The following SYNE3 variants were observed in gnomAD, a reference collection of about 807,000 sequenced individuals.
The protein encoded by SYNE3 is nesprin-3.
Under a neutral mutation model 111.2 loss-of-function variants are expected in SYNE3, and 100 were observed. That is an observed-to-expected ratio of 0.90 (90% confidence interval 0.77 to 1.06). The LOEUF (loss-of-function observed/expected upper bound fraction) is 1.06, where lower values mean the gene tolerates loss of function less well. Among genes scored for constraint, SYNE3 ranks in the 50% least tolerant of loss-of-function variants. The pLI is 0.00. For missense variants in SYNE3, 1,160 were observed against 1,240.3 expected, an observed-to-expected ratio of 0.94 and a Z score of 0.97; for synonymous variants, 547 against 533.9, an observed-to-expected ratio of 1.02 and a Z score of -0.34.
At position 95,446,091 on chromosome 14, in the gene SYNE3, C is replaced by T. The variant is rs762234500; in HGVS notation, c.1450G>A (p.Ala484Thr). ...SLHTFLPQIE[A>T]ALMESSRLKE... ...AGGCGGGAGCTTTCCATCAGGGCTG[C>T]CTGTGGGAGACAAGGCTTCCGTGAA... Residue 484 changes from alanine (A) to threonine (T), a missense_variant and splice_region_variant, in exon 9 of 18, where the codon GCA (alanine) becomes ACA (threonine). Physicochemically the swap from Ala to Thr is moderately conservative, Grantham distance 58. Coordinates refer to ENST00000682763, the MANE Select transcript of SYNE3 (RefSeq NM_152592.6). The T allele has an allele frequency of 1.1e-5, 17 of 1,613,774 alleles. No individual in the cohort carries two copies. In the African/African-American group the frequency reaches 2.1e-4, roughly 20 times the overall value.
chr14:95,497,922 TAGTC>T lies in SYNE3; in HGVS notation c.-15+18670_-15+18673del, dbSNP rs1460563655. On this transcript the variant is annotated intron_variant, in intron 1 of 17. Transcript: ENST00000682763. ...TGTAATCCCCACAATTAGAGAGCCT[TAGTC>T]AGAAAGACCTCTTGAGCCCAGAATC... Among the ~76,000 whole-genome samples the T allele has an allele frequency of 2.6e-5, 4 of 151,840 alleles. No homozygotes were observed. In the East Asian group the frequency reaches 7.7e-4, roughly 29 times the overall value.
At chr14:95,504,161 A>T (rs1175270986) in intron 1 of SYNE3, among the ~76,000 whole-genome samples, 1 of 152,226 alleles carries the variant, frequency 6.6e-6, no homozygotes, top group Admixed American at 6.5e-5. Flanking sequence ...TCCAGTGTCT[A>T]TAAAGTTTTA....
intron 17 of SYNE3, among the ~76,000 whole-genome samples, chr14:95,421,964 C>T (rs572423763): frequency 3.9e-5 from 6 of 152,216 alleles, no homozygotes; most frequent in Non-Finnish European, 7.4e-5. Context: ...TGGCCTTACA[C>T]ATCCTCAGGG....
chr14:95,444,081 T>C (rs1886564239), intron 10 of SYNE3: 2 of 232,370 alleles, frequency 8.6e-6, no homozygotes, highest in Non-Finnish European at 8.2e-6. Flanking sequence ...ATCAAGTTCC[T>C]TATCCAGCCA....
rs1170805842 is a variant in SYNE3, at chr14:95,408,328, GAA to G, written c.*9496_*9497del. 6.6e-6 allele frequency: 1 copy of G among 152,136 alleles called. No homozygotes were observed. The highest frequency in any genetic ancestry group is 1.9e-4 in the East Asian group (1 of 5,194). The allele number at this position is 152,136 out of a possible 1,614,324, so 9.4% of individuals were successfully genotyped here. A position where few individuals can be genotyped will look rare whatever the true frequency, so the allele number is the denominator to read the frequency against. On this transcript the variant is annotated 3_prime_UTR_variant, in exon 18 of 18. Coordinates refer to ENST00000682763, the MANE Select transcript of SYNE3 (RefSeq NM_152592.6). ...GCCATTTTCCCAACACACACACACAGAAAGAGAGAGAGAAAGGAGAAAATTTA... is the reference window on the plus strand; with the variant it reads ...GCCATTTTCCCAACACACACACACAGAGAGAGAGAGAAAGGAGAAAATTTA...
At chr14:95,432,262 G>A in intron 16 of SYNE3, 145 bp from the exon 17 acceptor site, 2 of 913,018 alleles carry the variant, frequency 2.2e-6, no homozygotes, top group Non-Finnish European at 1.7e-6. Context: ...GACAGCCTGA[G>A]CCAGCAGATG....
In SYNE3 at chr14:95,466,229, C is replaced by A; in HGVS notation, c.329G>T (p.Trp110Leu). 1.3e-6 allele frequency: 2 copies of A among 1,572,232 alleles called. No individual in the cohort carries two copies. Residue 110 changes from tryptophan to leucine, a missense_variant, in exon 4 of 18, where the codon TGG becomes TTG. Physicochemically the swap from Trp to Leu is moderately conservative, Grantham distance 61 (BLOSUM62 -2). Coordinates refer to ENST00000682763, the MANE Select transcript of SYNE3 (RefSeq NM_152592.6). The stretch of plus-strand genomic sequence containing the variant: ...GTACTCGCTCCAGTGCAGCCACACC[C>A]ACTCGATGCGGCTGTGGGCACAGAG... ...YMTHCHSRIE[W>L]VWLHWSEYLL...
intron 1 of SYNE3, among the ~76,000 whole-genome samples, chr14:95,488,582 C>T (rs1889670822): frequency 6.7e-6 from 1 of 149,820 alleles, no homozygotes. Flanking sequence ...GATCCCAGCA[C>T]TCTGGGAGGC....
intron 4 of SYNE3, among the ~76,000 whole-genome samples, chr14:95,465,650 T>A (rs1347511285): frequency 6.6e-6 from 1 of 151,718 alleles, no homozygotes; most frequent in Non-Finnish European, 1.5e-5. Flanking sequence ...AATACATGGA[T>A]GAACAAATGG....
At chr14:95,429,302 G>A (rs1046589224) in intron 17 of SYNE3, among the ~76,000 whole-genome samples, 4 of 152,196 alleles carry the variant, frequency 2.6e-5, no homozygotes, top group East Asian at 1.9e-4. Context: ...GAGTGGACTC[G>A]CATTTAAATT....
chr14:95,428,563 A>G (rs1248576750), intron 17 of SYNE3, among the ~76,000 whole-genome samples: 1 of 152,190 alleles, frequency 6.6e-6, no homozygotes, highest in Non-Finnish European at 1.5e-5. Flanking sequence ...TGCTTCTGCA[A>G]ACTAGCACTG....
At position 95,467,960 on chromosome 14, in the gene SYNE3, C is replaced by A. The variant is rs1354275623; in HGVS notation, c.152G>T (p.Cys51Phe). Reference sequence around the variant, plus strand: ...CACACGCCCCTCGGGCTCCAGCTGGCATATTTTCTGTTGTGGACACACAAG... The same window carrying A: ...CACACGCCCCTCGGGCTCCAGCTGGAATATTTTCTGTTGTGGACACACAAG... ...EARLWETEKI[C>F]QLEPEGRVRV... The change falls in exon 3 of 18, where the codon TGC becomes TTC. Residue 51 changes from cysteine to phenylalanine, a missense_variant. Transcript: ENST00000682763. 8.1e-6 allele frequency: 13 copies of A among 1,610,562 alleles called. No individual in the cohort carries two copies. The highest frequency in any genetic ancestry group is 1.1e-5 in the Non-Finnish European group (13 of 1,177,802).
intron 11 of SYNE3, 116 bp downstream of exon 11, chr14:95,443,039 G>C (rs1416759341): frequency 1.5e-6 from 2 of 1,329,766 alleles, no homozygotes; most frequent in Non-Finnish European, 2.1e-6. Context: ...CAGGGAGAAA[G>C]AAAAAAGAGA....
intron 3 of SYNE3, among the ~76,000 whole-genome samples, chr14:95,466,773 A>G (rs2139478704): frequency 6.6e-6 from 1 of 152,362 alleles, no homozygotes; most frequent in Middle Eastern, 3.4e-3. Context: ...CTAAAGCTCA[A>G]GCTCAGATCC....
At chr14:95,459,885 C>T (rs1887682154) in intron 4 of SYNE3, among the ~76,000 whole-genome samples, 1 of 151,836 alleles carries the variant, frequency 6.6e-6, no homozygotes, top group Non-Finnish European at 1.5e-5. Flanking sequence ...ATTGCTTGAG[C>T]CCAGGAGTTC....
chr14:95,475,574 G>A, intron 2 of SYNE3, 104 bp downstream of exon 2: 2 of 1,241,490 alleles, frequency 1.6e-6, no homozygotes, highest in Non-Finnish European at 2.1e-6. Flanking sequence ...AGAAACATTG[G>A]TTTAGTCCAC....
At position 95,480,302 on chromosome 14, in the gene SYNE3, C is replaced by T. The variant is rs139399887; in HGVS notation, c.-14-4467G>A. On this transcript the variant is annotated intron_variant, in intron 1 of 17. Coordinates refer to ENST00000682763, the MANE Select transcript of SYNE3 (RefSeq NM_152592.6). ...GCTGACCCTTTCTGGGTCATGCTGG[C>T]GCTGGTGTATGGAGGAGACAGAAAG... Among the ~76,000 whole-genome samples, 360 of 152,168 alleles carry T rather than the reference C, an allele frequency of 2.4e-3. 6 individuals carry two copies. The South Asian group carries it at 0.028, about 12-fold the overall frequency.
intron 17 of SYNE3, among the ~76,000 whole-genome samples, chr14:95,420,570 G>A (rs958392743): frequency 6.6e-6 from 1 of 152,166 alleles, no homozygotes; most frequent in Non-Finnish European, 1.5e-5. Context: ...GTGTTGACAA[G>A]GGATGGTCTT....
chr14:95,443,332 TC>T (rs1341935620), intron 10 of SYNE3, 43 bp from the exon 11 acceptor site: 13 of 1,611,298 alleles, frequency 8.1e-6, no homozygotes, highest in Non-Finnish European at 1.1e-5. Flanking sequence ...TTCCCACCTC[TC>T]CCTCCCTTGG....
Sources: allele counts gnomAD v4.1 joint callset (sites outside exome capture counted in the v4.1 genomes callset), GRCh38; gene constraint gnomAD v4.1.1; transcripts MANE v1.5; gene names NCBI Gene and HGNC (gene_info 2026-07-23, HGNC 2026-07-21).